RICTOR: variants seen among roughly 807,000 people sequenced by gnomAD.
The protein encoded by RICTOR is rapamycin-insensitive companion of mTOR.
RICTOR carries 49 observed loss-of-function variants against 214.9 expected under a neutral mutation model. The observed-to-expected ratio is 0.23, with a 90% CI of 0.18 to 0.29. The LOEUF is 0.29. Among genes scored for constraint, RICTOR ranks in the 10% least tolerant of loss-of-function variants. The pLI, the probability that RICTOR is intolerant of heterozygous loss-of-function variation, is 1.00. For missense variants in RICTOR, 1,625 were observed against 2,047.0 expected, an observed-to-expected ratio of 0.79 and a Z score of 3.98; for synonymous variants, 717 against 711.3, an observed-to-expected ratio of 1.01 and a Z score of -0.13.
chr5:39,012,154 G>A (rs767758524), intron 3 of RICTOR, among the ~76,000 whole-genome samples: 1 of 152,182 alleles, frequency 6.6e-6, no homozygotes, highest in African/African-American at 2.4e-5. Context: ...TAGCGAGTAA[G>A]TTCTCATGAG....
Position 39,056,062 on chromosome 5 carries a change from C to T in RICTOR, c.97+18049G>A, listed in dbSNP as rs78353085. On this transcript the variant is annotated intron_variant, in intron 2 of 37. Transcript: ENST00000357387. ...TTTTTAGAATAATGAGATAATTAGC[C>T]AGTTTGAAACATATTAGGTTTGATG... 4.8e-3 allele frequency among the ~76,000 whole-genome samples: 726 copies of T among 152,226 alleles called. 3 individuals are homozygous for T. The highest frequency in any genetic ancestry group is 0.016 in the African/African-American group (682 of 41,514).
intron 2 of RICTOR, among the ~76,000 whole-genome samples, chr5:39,057,511 A>C (rs1189010839): frequency 1.3e-5 from 2 of 152,116 alleles, no homozygotes; most frequent in African/African-American, 4.8e-5. Context: ...CTTTATTCTA[A>C]GGAAAGTCAT....
chr5:38,955,509 T>A, intron 26 of RICTOR, 86 bp downstream of exon 26: 1 of 758,030 alleles, frequency 1.3e-6, no homozygotes, highest in Non-Finnish European at 2.3e-6. Flanking sequence ...TCCTATATCA[T>A]GTTAGAAGCA....
intron 2 of RICTOR, among the ~76,000 whole-genome samples, chr5:39,023,300 CAG>C (rs1755568922): frequency 6.6e-6 from 1 of 150,546 alleles, no homozygotes. Context: ...AAACCACTGA[CAG>C]AGAAAATCTT....
At chr5:39,023,486 T>C (rs143226709) in intron 2 of RICTOR, among the ~76,000 whole-genome samples, 1,547 of 152,362 alleles carry the variant, frequency 0.01, 30 homozygotes, top group African/African-American at 0.035. Context: ...TATGGCCTTA[T>C]AGGCAGTAGT....
At chr5:39,029,686 CCAT>C (rs1756119294) in intron 2 of RICTOR, among the ~76,000 whole-genome samples, 1 of 152,164 alleles carries the variant, frequency 6.6e-6, no homozygotes, top group Non-Finnish European at 1.5e-5. Context: ...CACCCCTAAA[CCAT>C]GTAGCCTTGG....
chr5:38,944,319 G>T, intron 36 of RICTOR, 127 bp downstream of exon 36: 1 of 907,306 alleles, frequency 1.1e-6, no homozygotes, highest in South Asian at 1.4e-5. Context: ...GCCTCACACA[G>T]GTATGCAATG....
chr5:38,990,576 T>TAC (rs1491289561), intron 7 of RICTOR, among the ~76,000 whole-genome samples: 7 of 134,648 alleles, frequency 5.2e-5, no homozygotes, highest in African/African-American at 2.0e-4. Flanking sequence ...ACGATATATA[T>TAC]GATATATACA....
Position 38,958,435 on chromosome 5 carries a change from A to T in RICTOR, c.2420+8T>A. The T allele has an allele frequency of 6.3e-7, 1 of 1,581,810 alleles. No individual in the cohort carries two copies. Among genetic ancestry groups the T allele is most frequent in the East Asian group, 2.2e-5 (1 of 44,678 alleles). On this transcript the variant is annotated splice_region_variant and intron_variant, in intron 24 of 37. Transcript: ENST00000357387. ...AAAAACATAACAGAAAATTTACTTAAAATTTACCTCAGCAGGAGAAGCAAA... is the reference window on the plus strand; with the variant it reads ...AAAAACATAACAGAAAATTTACTTATAATTTACCTCAGCAGGAGAAGCAAA...
intron 2 of RICTOR, among the ~76,000 whole-genome samples, chr5:39,043,620 T>C (rs1455606463): frequency 6.6e-6 from 1 of 152,220 alleles, no homozygotes; most frequent in African/African-American, 2.4e-5. Flanking sequence ...TTGAACATTC[T>C]CACCACAAAG....
intron 36 of RICTOR, 184 bp from the exon 37 acceptor site, chr5:38,943,155 T>TG (rs201162851): frequency 5.4e-6 from 2 of 373,744 alleles, no homozygotes; most frequent in Non-Finnish European, 4.6e-6. Flanking sequence ...ATTCTGAGTT[T>TG]GGGTTTTTTT....
At chr5:39,001,050 A>G (rs1753578090) in intron 5 of RICTOR, among the ~76,000 whole-genome samples, 2 of 152,068 alleles carry the variant, frequency 1.3e-5, no homozygotes, top group South Asian at 2.1e-4. Context: ...TAGAGCATCA[A>G]TGCAATCCCT....
At chr5:38,952,059 C>T in intron 30 of RICTOR, 137 bp downstream of exon 30, 1 of 606,052 alleles carries the variant, frequency 1.7e-6, no homozygotes, top group South Asian at 2.1e-5. Flanking sequence ...TATACACATT[C>T]TCCAAGAGGC....
intron 2 of RICTOR, among the ~76,000 whole-genome samples, chr5:39,048,247 T>C (rs1252507482): frequency 6.6e-6 from 1 of 152,138 alleles, no homozygotes; most frequent in African/African-American, 2.4e-5. Context: ...ACTGTATATT[T>C]GTGCAGAAAA....
intron 2 of RICTOR, among the ~76,000 whole-genome samples, chr5:39,072,373 ACAACT>A (rs1294877507): frequency 6.6e-5 from 10 of 152,216 alleles, no homozygotes; most frequent in Non-Finnish European, 1.2e-4. Flanking sequence ...AAGCTCTTCC[ACAACT>A]CAACATTTTT....
At chr5:39,009,383 C>A (rs985664344) in intron 3 of RICTOR, among the ~76,000 whole-genome samples, 1 of 152,006 alleles carries the variant, frequency 6.6e-6, no homozygotes, top group East Asian at 1.9e-4. Context: ...AAAACAAACA[C>A]GCACCATTTA....
intron 3 of RICTOR, among the ~76,000 whole-genome samples, chr5:39,014,629 T>TA (rs1442489151): frequency 7.9e-5 from 12 of 152,108 alleles, no homozygotes; most frequent in Non-Finnish European, 1.3e-4. Context: ...TTTTCATCTT[T>TA]AAAAAGCAGG....
chr5:38,976,410 C>G (rs896322683), intron 9 of RICTOR, among the ~76,000 whole-genome samples: 1 of 151,684 alleles, frequency 6.6e-6, no homozygotes, highest in African/African-American at 2.4e-5. Context: ...AAGGAATAAA[C>G]AGCAATGACA....
intron 3 of RICTOR, among the ~76,000 whole-genome samples, chr5:39,009,447 A>C (rs571218079): frequency 3.3e-5 from 5 of 152,304 alleles, no homozygotes; most frequent in African/African-American, 1.2e-4. Context: ...AATGCATCTC[A>C]AATGCAAGAA....
Sources: allele counts gnomAD v4.1 joint callset (sites outside exome capture counted in the v4.1 genomes callset), GRCh38; gene constraint gnomAD v4.1.1; transcripts MANE v1.5; gene names NCBI Gene and HGNC (gene_info 2026-07-23, HGNC 2026-07-21).